The following CPNE4 variants were observed in gnomAD, a reference collection of about 807,000 sequenced individuals.
The protein encoded by CPNE4 is copine-4.
Under a neutral mutation model 67.9 loss-of-function variants are expected in CPNE4, and 25 were observed. The ratio of observed to expected loss-of-function variants is 0.37; its 90% CI spans 0.27 to 0.51. CPNE4 has a LOEUF of 0.51. CPNE4 is among the 20% of genes least tolerant of loss of function. The pLI is 0.93. For synonymous variants in CPNE4, 242 were observed against 244.9 expected, an observed-to-expected ratio of 0.99 and a Z score of 0.11; for missense variants, 464 against 690.8, an observed-to-expected ratio of 0.67 and a Z score of 3.68.
intron 2 of CPNE4, among the ~76,000 whole-genome samples, chr3:131,742,629 T>C (rs1437038305): frequency 6.6e-6 from 1 of 152,110 alleles, no homozygotes; most frequent in African/African-American, 2.4e-5. Context: ...GGCTTAATCA[T>C]TAGTCAATAA....
chr3:131,903,492 G>C (rs141753741), intron 2 of CPNE4, among the ~76,000 whole-genome samples: 1 of 151,802 alleles, frequency 6.6e-6, no homozygotes, highest in African/African-American at 2.4e-5. Flanking sequence ...ACCTAGCTGC[G>C]GAATTCAACC....
intron 1 of CPNE4, among the ~76,000 whole-genome samples, chr3:131,915,390 C>T (rs991027923): frequency 5.3e-5 from 8 of 152,126 alleles, no homozygotes; most frequent in Admixed American, 5.2e-4. Flanking sequence ...TCAAGTCACT[C>T]TATATGTAAT....
chr3:131,827,408 T>C (rs1272846778), intron 2 of CPNE4, among the ~76,000 whole-genome samples: 1 of 151,248 alleles, frequency 6.6e-6, no homozygotes, highest in Non-Finnish European at 1.5e-5. Context: ...GGGCAGCCAG[T>C]CTCATGGACT....
At position 131,918,899 on chromosome 3, in the gene CPNE4, C is replaced by T. The variant is rs137970729; in HGVS notation, c.-1-13455G>A. On this transcript the variant is annotated intron_variant, in intron 1 of 15. Transcript: ENST00000429747. The stretch of plus-strand genomic sequence containing the variant: ...GAGAAGAAAAAGCATTTTTAAAATG[C>T]TAGAGGCTAAAGAATAACAGGTAGA... 5.5e-3 allele frequency among the ~76,000 whole-genome samples: 833 copies of T among 152,096 alleles called. 4 individuals carry two copies. The highest frequency in any genetic ancestry group is 8.1e-3 in the Non-Finnish European group (552 of 67,994).
At chr3:131,791,132 T>G (rs984287802) in intron 2 of CPNE4, among the ~76,000 whole-genome samples, 21 of 152,166 alleles carry the variant, frequency 1.4e-4, no homozygotes, top group African/African-American at 4.6e-4. Context: ...CCACAATTAC[T>G]TAATGTATCC....
At chr3:131,707,617 T>C (rs2081446385) in intron 3 of CPNE4, among the ~76,000 whole-genome samples, 1 of 152,208 alleles carries the variant, frequency 6.6e-6, no homozygotes, top group Non-Finnish European at 1.5e-5. Flanking sequence ...GACAGTCCAG[T>C]TCCAGAGTTC....
chr3:131,562,201 C>T (rs1936809963), intron 11 of CPNE4, among the ~76,000 whole-genome samples: 1 of 151,928 alleles, frequency 6.6e-6, no homozygotes, highest in African/African-American at 2.4e-5. Flanking sequence ...TTGTCTGGCT[C>T]ACAAAGGGAT....
chr3:131,550,292 G>C (rs1936099771), intron 13 of CPNE4, among the ~76,000 whole-genome samples: 3 of 152,008 alleles, frequency 2.0e-5, no homozygotes, highest in Admixed American at 2.0e-4. Flanking sequence ...AAAGTCAAAA[G>C]CAACGATTTC....
At chr3:131,934,186 A>C (rs7613458) in intron 1 of CPNE4, among the ~76,000 whole-genome samples, 25,314 of 152,080 alleles carry the variant, frequency 0.17, 2,504 homozygotes, top group African/African-American at 0.28. Context: ...AAGCTTCAAA[A>C]GTAACTATTT....
chr3:131,534,898 T>C lies in CPNE4; in HGVS notation c.*297A>G, dbSNP rs1935047191. The C allele has an allele frequency of 4.7e-6, 1 of 214,396 alleles. No homozygotes were observed. The highest frequency in any genetic ancestry group is 2.3e-5 in the African/African-American group (1 of 43,894). 13.3% of individuals were successfully genotyped at this position (214,396 alleles called of 1,614,324 possible). ...ATTTAGCAAAATTTCAACAAACCTG[T>C]ATAAAAAATGGATACAGATACCATT... On this transcript the variant is annotated 3_prime_UTR_variant, in exon 16 of 16. Transcript: ENST00000429747.
intron 2 of CPNE4, among the ~76,000 whole-genome samples, chr3:131,750,233 G>A (rs1156653995): frequency 6.6e-6 from 1 of 152,092 alleles, no homozygotes; most frequent in Non-Finnish European, 1.5e-5. Context: ...GTTTCTCATA[G>A]AGAGCATATA....
At chr3:132,009,135 G>T (rs1234886238) in intron 1 of CPNE4, among the ~76,000 whole-genome samples, 1 of 152,178 alleles carries the variant, frequency 6.6e-6, no homozygotes, top group Non-Finnish European at 1.5e-5. Context: ...GGAGTCAGAG[G>T]TAAGAGCTGG....
chr3:131,628,114 C>T (rs1023507477), intron 7 of CPNE4, among the ~76,000 whole-genome samples: 2 of 152,138 alleles, frequency 1.3e-5, no homozygotes, highest in Non-Finnish European at 2.9e-5. Flanking sequence ...CAAACGTAAT[C>T]GTTATCTTAT....
At chr3:131,682,928 C>T (rs1447430648) in intron 6 of CPNE4, among the ~76,000 whole-genome samples, 2 of 152,088 alleles carry the variant, frequency 1.3e-5, no homozygotes, top group African/African-American at 2.4e-5. Flanking sequence ...ACCCTAGGAC[C>T]ACAGCAAGTA....
Position 131,848,960 on chromosome 3 carries a change from A to AAAAAAAAAAC in CPNE4, c.180+56303_180+56304insGTTTTTTTTT, listed in dbSNP as rs1484519906. On this transcript the variant is annotated intron_variant, in intron 2 of 15. Transcript: ENST00000429747. ...GTGGAATGACAGTAGTGATTACAAA[A>AAAAAAAAAAC]AAAAAAAAAAAAAAAAAAAAAACAC... Among the ~76,000 whole-genome samples the AAAAAAAAAAC allele has an allele frequency of 5.9e-3, 321 of 54,036 alleles. 13 individuals are homozygous for AAAAAAAAAAC. Among genetic ancestry groups the AAAAAAAAAAC allele is most frequent in the African/African-American group, 0.012 (308 of 25,506 alleles). The allele number at this position is 54,036 out of a possible 152,430, so 35.4% of individuals were successfully genotyped here.
At chr3:131,801,415 CGTGTGTGTGT>C (rs796117335) in intron 2 of CPNE4, among the ~76,000 whole-genome samples, 3 of 66,084 alleles carry the variant, frequency 4.5e-5, no homozygotes, top group African/African-American at 2.1e-4. Flanking sequence ...TACATATATA[CGTGTGTGTGT>C]GTGTGTGTGT....
chr3:131,967,886 G>C (rs1037110301), intron 1 of CPNE4, among the ~76,000 whole-genome samples: 8 of 152,106 alleles, frequency 5.3e-5, no homozygotes, highest in African/African-American at 1.9e-4. Flanking sequence ...CCAAAAAAGA[G>C]CTTGTATAGC....
chr3:131,887,634 A>G (rs958331549), intron 2 of CPNE4, among the ~76,000 whole-genome samples: 2 of 152,112 alleles, frequency 1.3e-5, no homozygotes, highest in Non-Finnish European at 2.9e-5. Flanking sequence ...TTCTTGTTGT[A>G]CTTTTTCAGG....
intron 6 of CPNE4, 119 bp downstream of exon 6, chr3:131,685,756 G>T: frequency 1.5e-6 from 1 of 656,724 alleles, no homozygotes; most frequent in Non-Finnish European, 2.6e-6. Context: ...ACTCCAGCCT[G>T]GGTGACACAG....
Sources: gnomAD v4.1 joint callset for allele counts (sites outside exome capture counted in the v4.1 genomes callset) on GRCh38, gnomAD v4.1.1 for gene constraint, MANE v1.5 for transcripts, NCBI Gene and HGNC (gene_info 2026-07-23, HGNC 2026-07-21) for gene names.